KIF9: variants seen among roughly 807,000 people sequenced by gnomAD.
KIF9 encodes the protein kinesin family member 9.
A neutral mutation model predicts 94.8 loss-of-function variants in KIF9; 68 were observed. That is an observed-to-expected ratio of 0.72 (90% CI 0.59 to 0.88). The LOEUF is 0.88. Among genes scored for constraint, KIF9 ranks in the 40% least tolerant of loss-of-function variants. KIF9 has a pLI of 0.00. For missense variants in KIF9, 882 were observed against 982.5 expected (o/e 0.90, Z 1.37); for synonymous variants, 343 against 362.1 (o/e 0.95, Z 0.60).
intron 9 of KIF9, 71 bp downstream of exon 9, chr3:47,264,215 T>C: frequency 1.7e-6 from 2 of 1,197,474 alleles, no homozygotes; most frequent in Non-Finnish European, 2.5e-6. Context: ...GTAGCCAGCC[T>C]GGAGCCTTAC....
At chr3:47,246,528 T>C in intron 12 of KIF9, 1 of 223,946 alleles carries the variant, frequency 4.5e-6, no homozygotes, top group Non-Finnish European at 8.5e-6. Flanking sequence ...AATGATTCTA[T>C]ACCTTGAAAA....
intron 20 of KIF9, among the ~76,000 whole-genome samples, 194 bp downstream of exon 20, chr3:47,235,319 C>T (rs1698939256): frequency 6.6e-6 from 1 of 152,168 alleles, no homozygotes; most frequent in Admixed American, 6.5e-5. Context: ...CTGGCCTGGC[C>T]GTGGTTGGTG....
At position 47,235,521 on chromosome 3, in the gene KIF9, C is replaced by T. The variant is rs751974420; in HGVS notation, c.2314G>A (p.Glu772Lys). The change falls in exon 20 of 21, where the codon GAG (glutamate) becomes AAG (lysine). Residue 772 changes from glutamate to lysine, a missense_variant. Transcript: ENST00000684063. ...ATAGGCCTCTGAGTTACCTTCTGCT[C>T]TATCTTGACTTTGGCATTGTAGAAG... The part of the protein sequence containing the change: ...ISFYNAKVKI[E>K]QKHNYLKTMM... 1 of 1,612,450 alleles carries T rather than the reference C, an allele frequency of 6.2e-7. No individual in the cohort carries two copies. Among genetic ancestry groups the T allele is most frequent in the African/African-American group, 1.3e-5 (1 of 75,010 alleles).
intron 12 of KIF9, 49 bp from the exon 13 acceptor site, chr3:47,246,301 G>C (rs1192259872): frequency 8.0e-6 from 12 of 1,501,068 alleles, no homozygotes; most frequent in Non-Finnish European, 1.0e-5. Context: ...CACCTCGAGG[G>C]ACCAGGGGGC....
At chr3:47,244,742 C>G (rs745879217) in intron 15 of KIF9, 49 bp downstream of exon 15, 43 of 1,607,466 alleles carry the variant, frequency 2.7e-5, no homozygotes, top group Non-Finnish European at 3.6e-5. Context: ...CCCATGCACC[C>G]ACCGAGGAGG....
At chr3:47,268,098 T>C (rs767432258) in intron 5 of KIF9, among the ~76,000 whole-genome samples, 34 of 152,066 alleles carry the variant, frequency 2.2e-4, no homozygotes, top group Non-Finnish European at 3.2e-4. Flanking sequence ...CTGGAACTTA[T>C]GAGTTCAAGA....
chr3:47,240,042 G>T, intron 17 of KIF9: 1 of 821,020 alleles, frequency 1.2e-6, no homozygotes, highest in Non-Finnish European at 1.7e-6. Context: ...TCTCTCCCAA[G>T]TCAGAACCAC....
chr3:47,275,617 C>T, intron 2 of KIF9, 127 bp from the exon 3 acceptor site: 1 of 674,590 alleles, frequency 1.5e-6, no homozygotes, highest in South Asian at 1.8e-5. Flanking sequence ...AATGGGGACT[C>T]CCACGTAGGG....
At position 47,262,449 on chromosome 3, in the gene KIF9, T is replaced by C. The variant is rs78027560; in HGVS notation, c.981+1837A>G. 1.9e-3 allele frequency among the ~76,000 whole-genome samples: 283 copies of C among 152,186 alleles called. 2 individuals carry two copies. Among genetic ancestry groups the C allele is most frequent in the African/African-American group, 6.5e-3 (271 of 41,524 alleles). The stretch of plus-strand genomic sequence containing the variant: ...CACACTCTGCTAATTTTTATGTTTT[T>C]ACTAGAGACAGCGTTTCACCATGTT... On this transcript the variant is annotated intron_variant, in intron 9 of 20. Coordinates refer to ENST00000684063, the MANE Select transcript of KIF9 (RefSeq NM_182902.4).
chr3:47,247,871 GCTGCCCCTTTC>G, intron 11 of KIF9, 136 bp downstream of exon 11: 1 of 711,098 alleles, frequency 1.4e-6, no homozygotes, highest in Non-Finnish European at 2.5e-6. Flanking sequence ...GACCCTTGCT[GCTGCCCCTTTC>G]CTGCCACTGA....
In KIF9 at chr3:47,271,459, A is replaced by G; in HGVS notation, c.369T>C (p.Val123=). Residue 123 remains valine, a splice_region_variant and synonymous_variant, in exon 5 of 21, where the codon GTT becomes GTC. Coordinates refer to ENST00000684063, the MANE Select transcript of KIF9 (RefSeq NM_182902.4). ...RGILPRALQQ[V]FRMIEERPTH... is the part of the protein sequence containing the mutation. The stretch of plus-strand genomic sequence containing the variant: ...TGGGGCGTTCTTCGATCATCCTAAA[A>G]ACCTAGATGACAGATTGTACAGCGG... The G allele has an allele frequency of 1.2e-6, 2 of 1,613,666 alleles. No homozygotes were observed. Among genetic ancestry groups the G allele is most frequent in the African/African-American group, 2.7e-5 (2 of 75,022 alleles).
At chr3:47,229,738 T>G (rs1698414868) in intron 20 of KIF9, among the ~76,000 whole-genome samples, 1 of 145,028 alleles carries the variant, frequency 6.9e-6, no homozygotes, top group Non-Finnish European at 1.5e-5. Context: ...TGATTTAGAA[T>G]TTTTTTTTTT....
Position 47,275,328 on chromosome 3 carries a change from T to C in KIF9, c.256A>G (p.Asn86Asp). 1.2e-6 allele frequency: 2 copies of C among 1,607,138 alleles called. No individual in the cohort carries two copies. The highest frequency in any genetic ancestry group is 1.7e-6 in the Non-Finnish European group (2 of 1,177,234). The stretch of plus-strand genomic sequence containing the variant: ...AACATTTAATTAATTAAGTTACCAT[T>C]ATAGCCATCGAGGGCCTGAGAAACC... ...DVVSQALDGY[N>D]GTIMCYGQTG... The change falls in exon 3 of 21, where the codon AAT becomes GAT. Residue 86 changes from asparagine to aspartate, a missense_variant. Coordinates refer to ENST00000684063, the MANE Select transcript of KIF9 (RefSeq NM_182902.4).
chr3:47,248,233 T>C (rs966938274), intron 10 of KIF9, 147 bp from the exon 11 acceptor site: 2 of 671,824 alleles, frequency 3.0e-6, no homozygotes, highest in East Asian at 2.6e-5. Context: ...TTTCAGCTTC[T>C]GGTGATTCCC....
chr3:47,257,189 A>T (rs1559448137), intron 10 of KIF9, among the ~76,000 whole-genome samples: 1 of 152,296 alleles, frequency 6.6e-6, no homozygotes, highest in Non-Finnish European at 1.5e-5. Flanking sequence ...TGGCAAAAAA[A>T]AAAAAATTTT....
rs372155511 is a variant in KIF9, at chr3:47,273,426, C to G, written c.366+126G>C. 1,745 of 664,162 alleles carry G rather than the reference C, an allele frequency of 2.6e-3. 43 individuals are homozygous for G. The South Asian group carries it at 0.032, about 12-fold the overall frequency. The allele number at this position is 664,162 out of a possible 1,614,324, so 41.1% of individuals were successfully genotyped here. A position where few individuals can be genotyped will look rare whatever the true frequency, so the allele number is the denominator to read the frequency against. On this transcript the variant is annotated intron_variant, in intron 4 of 20. Coordinates refer to ENST00000684063, the MANE Select transcript of KIF9 (RefSeq NM_182902.4). ...GCCCTGTGTATGTTGTCTCCAGTACCAGTATCCACTGCAACTCCTTTGAGG... is the reference window on the plus strand; with the variant it reads ...GCCCTGTGTATGTTGTCTCCAGTACGAGTATCCACTGCAACTCCTTTGAGG...
chr3:47,231,093 T>G (rs939170579), intron 20 of KIF9, among the ~76,000 whole-genome samples: 3 of 151,508 alleles, frequency 2.0e-5, no homozygotes, highest in Non-Finnish European at 2.9e-5. Flanking sequence ...GGAAGAAACA[T>G]AAGATATTTT....
At chr3:47,279,677 C>T (rs910042050) in intron 1 of KIF9, among the ~76,000 whole-genome samples, 8 of 150,916 alleles carry the variant, frequency 5.3e-5, no homozygotes, top group South Asian at 4.2e-4. Flanking sequence ...AGCGCAGTGG[C>T]GCCATCTCAG....
chr3:47,244,510 G>A (rs1699796044), intron 15 of KIF9: 1 of 367,754 alleles, frequency 2.7e-6, no homozygotes, highest in Admixed American at 3.9e-5. Context: ...TGGCCTTGGT[G>A]AGTGACTTCC....
Sources: allele counts gnomAD v4.1 joint callset (sites outside exome capture counted in the v4.1 genomes callset), GRCh38; gene constraint gnomAD v4.1.1; transcripts MANE v1.5; gene names NCBI Gene and HGNC (gene_info 2026-07-23, HGNC 2026-07-21).